The following DNAH1 variants were observed in gnomAD, a reference collection of about 807,000 sequenced individuals.
DNAH1 encodes the protein axonemal beta dynein heavy chain 1.
Under a neutral mutation model 484.3 loss-of-function variants are expected in DNAH1, and 327 were observed. That is an observed-to-expected ratio of 0.68 (90% CI 0.62 to 0.74). The LOEUF is 0.74. Among genes scored for constraint, DNAH1 ranks in the 30% least tolerant of loss-of-function variants. The pLI, the probability that DNAH1 is intolerant of heterozygous loss-of-function variation, is 0.00. For synonymous variants in DNAH1, 2,192 were observed against 2,191.9 expected, an observed-to-expected ratio of 1.00 and a Z score of 0.00; for missense variants, 5,052 against 5,546.8, an observed-to-expected ratio of 0.91 and a Z score of 2.83.
chr3:52,398,286 T>TTTG (rs200465179), intron 75 of DNAH1, 124 bp downstream of exon 75: 11 of 1,274,614 alleles, frequency 8.6e-6, no homozygotes, highest in South Asian at 7.9e-5. Context: ...TCAGCTATTT[T>TTTG]TTGTTGTTGT....
chr3:52,392,197 A>G (rs1450927030), intron 63 of DNAH1, among the ~76,000 whole-genome samples: 1 of 151,946 alleles, frequency 6.6e-6, no homozygotes, highest in Non-Finnish European at 1.5e-5. Flanking sequence ...TTGTCCAGAG[A>G]CCCCAGCCGC....
chr3:52,345,679 G>A lies in DNAH1; in HGVS notation c.1629G>A (p.Glu543=), dbSNP rs768626320. The part of the protein sequence containing the change: ...LSKYSHLEEF[E]QIQSQTFSQV... ...AGTACAGCCACCTGGAGGAATTTGA[G>A]CAGATCCAGTCACAGACCTTCTCCC... Residue 543 remains glutamate (E), a synonymous_variant, in exon 10 of 78, where the codon GAG becomes GAA. Transcript: ENST00000420323. 1 of 1,613,224 alleles carries A rather than the reference G, an allele frequency of 6.2e-7. No homozygotes were observed. The highest frequency in any genetic ancestry group is 8.5e-7 in the Non-Finnish European group (1 of 1,179,572).
rs1259007519 is a variant in DNAH1, at chr3:52,361,993, G to T, written c.4980+227G>T. On this transcript the variant is annotated intron_variant, in intron 30 of 77. Coordinates refer to ENST00000420323, the MANE Select transcript of DNAH1 (RefSeq NM_015512.5). The surrounding 1 kb of genome is among the most constrained non-coding windows in gnomAD (Gnocchi z 5.6). ...ATCCTGACCTTTATGGAAAGCCCCA[G>T]GCATTGGTCCTTTCTCTAGCCACGT... 6.6e-6 allele frequency among the ~76,000 whole-genome samples: 1 copy of T among 152,246 alleles called. No individual in the cohort carries two copies. The highest frequency in any genetic ancestry group is 1.9e-4 in the East Asian group (1 of 5,192).
At chr3:52,378,174 C>T (rs535913483) in intron 46 of DNAH1, among the ~76,000 whole-genome samples, 17 of 151,992 alleles carry the variant, frequency 1.1e-4, no homozygotes, top group African/African-American at 3.1e-4. Context: ...CCCTCAAGGT[C>T]GGGGGTGTGC....
rs1312264958 is a variant in DNAH1 at position 52,350,541 on chromosome 3, G to A, written c.2680G>A (p.Val894Ile). 2 of 1,613,936 alleles carry A rather than the reference G, an allele frequency of 1.2e-6. No homozygotes were observed. Among genetic ancestry groups the A allele is most frequent in the South Asian group, 1.1e-5 (1 of 91,062 alleles). The change falls in exon 16 of 78, where the codon GTC (valine) becomes ATC (isoleucine). Residue 894 changes from valine to isoleucine, a missense_variant. Val to Ile is a conservative substitution (Grantham distance 29). This residue lies in a region of DNAH1 where 1,263 missense variants were observed against 1,218.8 expected (regional missense o/e 1.04). Transcript: ENST00000420323. Reference protein sequence around the residue: ...RIVKVMDDYQVMDEFLYNLSS... With the variant: ...RIVKVMDDYQIMDEFLYNLSS... ...TGTGAAGGTCATGGATGACTACCAG[G>A]TCATGGATGAATTCCTCTACAACCT...
Position 52,358,421 on chromosome 3 carries a change from G to A in DNAH1, c.4087-137G>A. ...AGCCTGGGAAGGCCCAGCCAAGATA[G>A]ACTCTCGGGGGGACGGGAAGGCAGG... On this transcript the variant is annotated intron_variant, in intron 24 of 77. Transcript: ENST00000420323. The surrounding 1 kb of genome is among the most constrained non-coding windows in gnomAD (Gnocchi z 4.2). 1.0e-6 allele frequency: 1 copy of A among 984,696 alleles called. No individual in the cohort carries two copies. The highest frequency in any genetic ancestry group is 1.5e-6 in the Non-Finnish European group (1 of 688,258). The allele number at this position is 984,696 out of a possible 1,614,324, so 61.0% of individuals were successfully genotyped here.
chr3:52,387,565 C>T (rs1229437740), intron 56 of DNAH1, among the ~76,000 whole-genome samples: 5 of 152,222 alleles, frequency 3.3e-5, no homozygotes, highest in Non-Finnish European at 7.3e-5. Flanking sequence ...TCCTCCTTCT[C>T]CTCTTCCATC....
At chr3:52,385,249 C>G (rs1704048365) in intron 53 of DNAH1, 88 bp from the exon 54 acceptor site, 1 of 1,353,352 alleles carries the variant, frequency 7.4e-7, no homozygotes, top group Non-Finnish European at 1.0e-6. Context: ...GCCACAGCTT[C>G]TCTCTCATGA....
In DNAH1 at chr3:52,372,897, C is replaced by T. The variant is rs749114791; in HGVS notation, c.6829C>T (p.Arg2277Trp). ...GGCTCACACAGCCCCTCCCCTCAGG[C>T]GGAAGGGTGTGTTTGGACCACCTCT... ...DFIDSKLDKR[R>W]KGVFGPPLGR... is the part of the protein sequence containing the mutation. The change falls in exon 44 of 78, where the codon CGG becomes TGG. Residue 2277 changes from arginine (R) to tryptophan (W), a missense_variant and splice_region_variant. Physicochemically the swap from Arg to Trp is moderately radical, Grantham distance 101. Coordinates refer to ENST00000420323, the MANE Select transcript of DNAH1 (RefSeq NM_015512.5). The T allele has an allele frequency of 1.8e-5, 29 of 1,611,666 alleles. No homozygotes were observed. The highest frequency in any genetic ancestry group is 1.1e-4 in the South Asian group (10 of 90,904).
Position 52,362,586 on chromosome 3 carries a change from G to A in DNAH1, c.5094+85G>A. 2 of 1,238,150 alleles carry A rather than the reference G, an allele frequency of 1.6e-6. No individual in the cohort carries two copies. Among genetic ancestry groups the A allele is most frequent in the Non-Finnish European group, 2.3e-6 (2 of 872,020 alleles). 76.7% of individuals were successfully genotyped at this position (1,238,150 alleles called of 1,614,324 possible). A position where few individuals can be genotyped will look rare whatever the true frequency, so the allele number is the denominator to read the frequency against. On this transcript the variant is annotated intron_variant, in intron 31 of 77. Coordinates refer to ENST00000420323, the MANE Select transcript of DNAH1 (RefSeq NM_015512.5). The surrounding 1 kb of genome is among the most constrained non-coding windows in gnomAD (Gnocchi z 5.1). ...GCTAAGCCACTTATGCAAGGACACA[G>A]TTGCTTGGACTCCAGGGACTGTGAT...
rs145912972 is a variant in DNAH1, at chr3:52,349,022, C to A, written c.2241C>A (p.Tyr747Ter). Residue 747 changes from tyrosine to a stop codon, truncating the protein, a stop_gained, in exon 13 of 78, where the codon TAC (tyrosine) becomes TAA (stop). Transcript: ENST00000420323. LOFTEE classifies it high-confidence loss of function. ...AGGCCATGATCCCACTGCAGGCCTACGCCAAGGAGTACCGAAAGTACCTGG... is the reference window on the plus strand; with the variant it reads ...AGGCCATGATCCCACTGCAGGCCTAAGCCAAGGAGTACCGAAAGTACCTGG... ...VSKAMIPLQA[Y>*]AKEYRKYLEL... 94 of 1,612,984 alleles carry A rather than the reference C, an allele frequency of 5.8e-5. No individual in the cohort carries two copies. Among genetic ancestry groups the A allele is most frequent in the Non-Finnish European group, 7.5e-5 (89 of 1,179,906 alleles).
At position 52,372,427 on chromosome 3, in the gene DNAH1, C is replaced by G. The variant is rs1559543916; in HGVS notation, c.6827+40C>G. ...CCTCCTTCCTCACCCCTGCATCCTC[C>G]CAGCCTGGCCGATCCAGCTGCTGTC... On this transcript the variant is annotated intron_variant, in intron 43 of 77. Transcript: ENST00000420323. 3 of 1,605,678 alleles carry G rather than the reference C, an allele frequency of 1.9e-6. No homozygotes were observed. In the East Asian group the frequency reaches 6.7e-5, roughly 36 times the overall value.
chr3:52,315,481 A>G (rs1414503862), upstream of DNAH1, among the ~76,000 whole-genome samples: 1 of 152,224 alleles, frequency 6.6e-6, no homozygotes, highest in Middle Eastern at 3.2e-3. Flanking sequence ...TCCATGCTGG[A>G]AAGGCATGGC....
chr3:52,398,851 T>C lies in DNAH1; in HGVS notation c.12091T>C (p.Tyr4031His). ...ATTCTCTTGCCACTGGCCTCACAGGTACAATCGGCTGCTGCAGGTGATCAC... is the reference window on the plus strand; with the variant it reads ...ATTCTCTTGCCACTGGCCTCACAGGCACAATCGGCTGCTGCAGGTGATCAC... The part of the protein sequence containing the change: ...NTVLVQEVIR[Y>H]NRLLQVITQT... The change falls in exon 76 of 78, where the codon TAC becomes CAC. Residue 4031 changes from tyrosine to histidine, a missense_variant and splice_region_variant. By Grantham distance (83) the Tyr-to-His change is moderately conservative. Around this residue, in one of 4 missense-constraint regions of DNAH1, gnomAD observed 853 missense variants for 899.0 expected, o/e 0.95. Transcript: ENST00000420323. 1 of 1,537,764 alleles carries C rather than the reference T, an allele frequency of 6.5e-7. No individual in the cohort carries two copies. The highest frequency in any genetic ancestry group is 8.8e-7 in the Non-Finnish European group (1 of 1,138,948).
At position 52,379,259 on chromosome 3, in the gene DNAH1, C is replaced by G. The variant is rs1368565949; in HGVS notation, c.7377+479C>G. On this transcript the variant is annotated intron_variant, in intron 47 of 77. Transcript: ENST00000420323. This position sits in a 1 kb window ranked among gnomAD's most constrained non-coding sequence, Gnocchi z 4.4. ...TGTGGGTGGGCGGGGGACAGACCTG[C>G]ACTTTGGAATGGGACTGAGCGGCCA... is the stretch of plus-strand genomic sequence containing the variant. Among the ~76,000 whole-genome samples the G allele has an allele frequency of 6.6e-6, 1 of 152,102 alleles. No individual in the cohort carries two copies. Among genetic ancestry groups the G allele is most frequent in the Non-Finnish European group, 1.5e-5 (1 of 68,032 alleles).
In DNAH1 at chr3:52,359,912, G is replaced by T. The variant is rs1304279570; in HGVS notation, c.4408-4G>T. 2 of 1,613,658 alleles carry T rather than the reference G, an allele frequency of 1.2e-6. No homozygotes were observed. The highest frequency in any genetic ancestry group is 1.7e-6 in the Non-Finnish European group (2 of 1,179,788). On this transcript the variant is annotated splice_polypyrimidine_tract_variant and splice_region_variant and intron_variant, in intron 26 of 77. Transcript: ENST00000420323. ...ATGTTTGACAGTGCACCCCATTTCTGCAGCTCAGTGATCTGGTGGCCCTTG... is the reference window on the plus strand; with the variant it reads ...ATGTTTGACAGTGCACCCCATTTCTTCAGCTCAGTGATCTGGTGGCCCTTG...
chr3:52,364,619 T>C lies in DNAH1; in HGVS notation c.5245-19T>C. 1 of 1,613,726 alleles carries C rather than the reference T, an allele frequency of 6.2e-7. No homozygotes were observed. Among genetic ancestry groups the C allele is most frequent in the Non-Finnish European group, 8.5e-7 (1 of 1,179,762 alleles). On this transcript the variant is annotated intron_variant, in intron 32 of 77. Transcript: ENST00000420323. This position sits in a 1 kb window ranked among gnomAD's most constrained non-coding sequence, Gnocchi z 4.2. ...GAGAGGGACAGTGCTCACCCATGCC[T>C]CCTTCTGTATGGCGACAGGATCACT...
In DNAH1 at chr3:52,316,448, TC is replaced by T. The variant is rs1700953895; in HGVS notation, c.-131del. On this transcript the variant is annotated 5_prime_UTR_variant, in exon 1 of 78. The change abolishes the stop of an existing upstream ORF in the 5' untranslated region. Transcript: ENST00000420323. ...GTTCCCCTCACAGTCCTTTCTTCCT[TC>T]TGCAGTGATCACTGAGTACCTGTGT... is the stretch of plus-strand genomic sequence containing the variant. The T allele has an allele frequency of 1.3e-5, 2 of 152,424 alleles. No homozygotes were observed. The highest frequency in any genetic ancestry group is 4.1e-4 in the South Asian group (2 of 4,828). 9.4% of individuals were successfully genotyped at this position (152,424 alleles called of 1,614,324 possible).
At chr3:52,375,530 C>T in intron 45 of DNAH1, 117 bp downstream of exon 45, 1 of 1,066,880 alleles carries the variant, frequency 9.4e-7, no homozygotes, top group South Asian at 1.6e-5. Context: ...TGACCGCAAC[C>T]CTGGGTTCAC....
Sources: allele counts gnomAD v4.1 joint callset (sites outside exome capture counted in the v4.1 genomes callset), GRCh38; gene constraint gnomAD v4.1.1; regional missense constraint gnomAD v4.1.1; non-coding constraint Gnocchi (gnomAD v3.1); transcripts MANE v1.5; gene names NCBI Gene and HGNC (gene_info 2026-07-23, HGNC 2026-07-21).